Variants in HACD4 observed in about 807,000 individuals in gnomAD.
HACD4 encodes very-long-chain (3R)-3-hydroxyacyl-CoA dehydratase 4.
Under a neutral mutation model 33.3 loss-of-function variants are expected in HACD4, and 35 were observed. The ratio of observed to expected loss-of-function variants is 1.05; its 90% CI spans 0.80 to 1.39. The LOEUF (loss-of-function observed/expected upper bound fraction) is 1.39, where lower values mean the gene tolerates loss of function less well. HACD4 is among the 40% of genes most tolerant of loss of function. The pLI is 0.00. For synonymous variants in HACD4, 118 were observed against 98.0 expected, an observed-to-expected ratio of 1.20 and a Z score of -1.21; for missense variants, 323 against 276.5, an observed-to-expected ratio of 1.17 and a Z score of -1.19.
Position 21,008,029 on chromosome 9 carries a change from A to G in HACD4, c.608T>C (p.Leu203Pro), listed in dbSNP as rs1191620815. ...CCAAAAAAGCCACTTACCTATAAAG[A>G]GCATCATGAGATATATTTTCAGCAC... ...PYVLKIYLMM[L>P]FIGMYFTYSH... The change falls in exon 6 of 7, where the codon CTC becomes CCC. Residue 203 changes from leucine (L) to proline (P), a missense_variant. Transcript: ENST00000495827. 1.3e-6 allele frequency: 2 copies of G among 1,599,374 alleles called. No individual in the cohort carries two copies. The highest frequency in any genetic ancestry group is 2.3e-5 in the South Asian group (2 of 88,094).
At chr9:21,011,419 T>C (rs1842431655) in intron 5 of HACD4, among the ~76,000 whole-genome samples, 170 bp downstream of exon 5, 1 of 152,226 alleles carries the variant, frequency 6.6e-6, no homozygotes, top group African/African-American at 2.4e-5. Flanking sequence ...GCAGAGCTGC[T>C]TCCCTCTTCA....
intron 1 of HACD4, among the ~76,000 whole-genome samples, chr9:21,031,043 A>T (rs1477499621): frequency 6.6e-6 from 1 of 152,184 alleles, no homozygotes; most frequent in Non-Finnish European, 1.5e-5. Flanking sequence ...GGAACTGCTA[A>T]AGGGTTTGGG....
rs1842219051 is a variant in HACD4, at chr9:21,004,291, G to A, written c.*2746C>T. On this transcript the variant is annotated 3_prime_UTR_variant, in exon 7 of 7. Transcript: ENST00000495827. The surrounding 1 kb of genome is among the most constrained non-coding windows in gnomAD (Gnocchi z 4.6). ...CATAGTGCTAGGATTACAGGTATGA[G>A]CCAGCATGCCTGGCCAGGGTCTTCT... The A allele has an allele frequency of 6.6e-6, 1 of 152,224 alleles. No individual in the cohort carries two copies. Among genetic ancestry groups the A allele is most frequent in the African/African-American group, 2.4e-5 (1 of 41,434 alleles). The allele number at this position is 152,224 out of a possible 1,614,324, so 9.4% of individuals were successfully genotyped here.
chr9:21,001,041 C>G lies in HACD4; in HGVS notation c.*5996G>C, dbSNP rs1842159776. On this transcript the variant is annotated 3_prime_UTR_variant, in exon 7 of 7. Transcript: ENST00000495827. ...CGTTCAGTTTTCAGCAAAAAAATAA[C>G]AAGGCATACAAAGAAACAGGAAAGT... The G allele has an allele frequency of 6.6e-6, 1 of 151,772 alleles. No individual in the cohort carries two copies. The highest frequency in any genetic ancestry group is 2.4e-5 in the African/African-American group (1 of 41,348). The allele number at this position is 151,772 out of a possible 1,614,324, so 9.4% of individuals were successfully genotyped here.
At chr9:21,016,041 G>C in intron 3 of HACD4, 31 bp from the exon 4 acceptor site, 1 of 1,457,576 alleles carries the variant, frequency 6.9e-7, no homozygotes, top group South Asian at 1.1e-5. Flanking sequence ...TCAGAAATTA[G>C]GACATCTATT....
intron 3 of HACD4, among the ~76,000 whole-genome samples, chr9:21,023,256 A>G (rs951229705): frequency 1.3e-5 from 2 of 151,902 alleles, no homozygotes; most frequent in African/African-American, 4.8e-5. Flanking sequence ...ATTAGGAGAT[A>G]TACCTAATAT....
rs557616784 is a variant in HACD4, at chr9:21,003,497, G to GA, written c.*3539dup. On this transcript the variant is annotated 3_prime_UTR_variant, in exon 7 of 7. Transcript: ENST00000495827. ...AATTTAGAAGATAACTATAAAAGCA[G>GA]AAAAAATGTAGCTTTTTAAAAGGAT... 11 of 151,948 alleles carry GA rather than the reference G, an allele frequency of 7.2e-5. No individual in the cohort carries two copies. In the South Asian group the frequency reaches 1.2e-3, roughly 17 times the overall value. 9.4% of individuals were successfully genotyped at this position (151,948 alleles called of 1,614,324 possible).
intron 3 of HACD4, among the ~76,000 whole-genome samples, chr9:21,017,464 C>T (rs1280725846): frequency 6.6e-6 from 1 of 152,086 alleles, no homozygotes; most frequent in Non-Finnish European, 1.5e-5. Context: ...ATAAATTCTA[C>T]TGAACTGCAA....
At position 21,004,955 on chromosome 9, in the gene HACD4, G is replaced by A. The variant is rs1842234656; in HGVS notation, c.*2082C>T. On this transcript the variant is annotated 3_prime_UTR_variant, in exon 7 of 7. Coordinates refer to ENST00000495827, the MANE Select transcript of HACD4 (RefSeq NM_001010915.5). This position sits in a 1 kb window ranked among gnomAD's most constrained non-coding sequence, Gnocchi z 4.6. Reference sequence around the variant, plus strand: ...GATTTTGGTGAGGGCTCAAAGAGAAGAGGGTGGGAGAGAAAGCCTCCATCT... The same window carrying A: ...GATTTTGGTGAGGGCTCAAAGAGAAAAGGGTGGGAGAGAAAGCCTCCATCT... The A allele has an allele frequency of 1.3e-5, 2 of 152,186 alleles. No individual in the cohort carries two copies. Among genetic ancestry groups the A allele is most frequent in the Admixed American group, 1.3e-4 (2 of 15,266 alleles). 9.4% of individuals were successfully genotyped at this position (152,186 alleles called of 1,614,324 possible).
chr9:21,024,475 T>C (rs1818013940), intron 3 of HACD4, among the ~76,000 whole-genome samples: 1 of 152,248 alleles, frequency 6.6e-6, no homozygotes, highest in African/African-American at 2.4e-5. Context: ...AACCAAGATT[T>C]GGTTCTTTGA....
intron 4 of HACD4, among the ~76,000 whole-genome samples, chr9:21,013,178 A>G (rs915982931): frequency 1.3e-5 from 2 of 151,006 alleles, no homozygotes; most frequent in South Asian, 2.1e-4. Context: ...ATTTACTCCT[A>G]TTTTTTTTCA....
At chr9:21,025,705 A>G (rs555722983) in intron 3 of HACD4, among the ~76,000 whole-genome samples, 2 of 152,288 alleles carry the variant, frequency 1.3e-5, no homozygotes, top group South Asian at 2.1e-4. Context: ...TGAAGTCACT[A>G]CTAGTAAATT....
chr9:21,030,922 G>C (rs879292087), intron 1 of HACD4, among the ~76,000 whole-genome samples: 1 of 152,186 alleles, frequency 6.6e-6, no homozygotes, highest in Admixed American at 6.5e-5. Context: ...GGCCCTGCCA[G>C]TGTGGTCAAG....
chr9:21,010,594 T>TGTGGA (rs1335922856), intron 5 of HACD4, among the ~76,000 whole-genome samples: 1 of 152,168 alleles, frequency 6.6e-6, no homozygotes, highest in East Asian at 1.9e-4. Flanking sequence ...TTACTGGTTT[T>TGTGGA]GTGGAAGACA....
In HACD4 at chr9:21,021,731, G is replaced by A. The variant is rs566607796; in HGVS notation, c.270+4865C>T. ...ACCACTGCTCAACGAAATAAAAGAG[G>A]ACACAAACAAATGGAAGAACATTCC... On this transcript the variant is annotated intron_variant, in intron 3 of 6. Coordinates refer to ENST00000495827, the MANE Select transcript of HACD4 (RefSeq NM_001010915.5). Among the ~76,000 whole-genome samples the A allele has an allele frequency of 2.0e-5, 3 of 152,196 alleles. No individual in the cohort carries two copies. In the South Asian group the frequency reaches 6.2e-4, roughly 32 times the overall value.
intron 3 of HACD4, among the ~76,000 whole-genome samples, chr9:21,025,157 A>G (rs114090987): frequency 0.017 from 2,592 of 152,238 alleles, 70 homozygotes; most frequent in African/African-American, 0.059. Flanking sequence ...TTTATACACC[A>G]TTACCCTAAC....
chr9:21,015,909 C>T lies in HACD4; in HGVS notation c.372G>A (p.Leu124=). The T allele has an allele frequency of 1.2e-6, 2 of 1,608,612 alleles. No individual in the cohort carries two copies. The highest frequency in any genetic ancestry group is 1.7e-6 in the Non-Finnish European group (2 of 1,175,380). ...TTTTGCCTTCTTACCTAACCATATC[C>T]AATAGATTCCAAAAGACGAATAAAA... ...VCVLFVFWNL[L]DMVRYTYSML... is the part of the protein sequence containing the mutation. Residue 124 remains leucine (L), a synonymous_variant, in exon 4 of 7, where the codon TTG becomes TTA. Transcript: ENST00000495827.
At chr9:21,023,230 AG>A (rs1158399161) in intron 3 of HACD4, among the ~76,000 whole-genome samples, 5 of 73,582 alleles carry the variant, frequency 6.8e-5, no homozygotes, top group African/African-American at 2.1e-4. Flanking sequence ...GGGTGGGGGG[AG>A]GGGGGAGGAA....
rs151081081 is a variant in HACD4 at position 21,017,236 on chromosome 9, T to C, written c.271-1226A>G. ...ACCTAGTGCCCAGAAATCCAAGATTTGCCAACAGTGGGCCACATGATCAGA... is the reference window on the plus strand; with the variant it reads ...ACCTAGTGCCCAGAAATCCAAGATTCGCCAACAGTGGGCCACATGATCAGA... On this transcript the variant is annotated intron_variant, in intron 3 of 6. Coordinates refer to ENST00000495827, the MANE Select transcript of HACD4 (RefSeq NM_001010915.5). 2.3e-4 allele frequency among the ~76,000 whole-genome samples: 35 copies of C among 152,258 alleles called. 1 individual carries two copies. Among genetic ancestry groups the C allele is most frequent in the African/African-American group, 8.2e-4 (34 of 41,546 alleles).
Sources: gnomAD v4.1 joint callset for allele counts (sites outside exome capture counted in the v4.1 genomes callset) on GRCh38, gnomAD v4.1.1 for gene constraint, Gnocchi (gnomAD v3.1) non-coding constraint, MANE v1.5 for transcripts, NCBI Gene and HGNC (gene_info 2026-07-23, HGNC 2026-07-21) for gene names.